TSPAN9: variants seen among roughly 807,000 people sequenced by gnomAD.
The protein encoded by TSPAN9 is tetraspanin-9.
In TSPAN9, 16 loss-of-function variants were observed where a neutral mutation model predicts 31.0. The ratio of observed to expected loss-of-function variants is 0.52; its 90% CI spans 0.35 to 0.78. The LOEUF is 0.78. Ranked by LOEUF, TSPAN9 falls within the 30% of genes least tolerant of loss-of-function variation. The pLI is 0.01. For missense variants in TSPAN9, 272 were observed against 312.5 expected (o/e 0.87, Z 0.98); for synonymous variants, 145 against 121.6 (o/e 1.19, Z -1.27).
chr12:3,246,184 C>T (rs578068073), intron 3 of TSPAN9, among the ~76,000 whole-genome samples: 4 of 151,234 alleles, frequency 2.6e-5, no homozygotes, highest in South Asian at 2.1e-4. Context: ...GGTGAGATTG[C>T]GGGGCGGGGG....
At chr12:3,246,017 T>A (rs1862118240) in intron 3 of TSPAN9, among the ~76,000 whole-genome samples, 1 of 151,906 alleles carries the variant, frequency 6.6e-6, no homozygotes, top group Admixed American at 6.5e-5. Flanking sequence ...ACTGGGTGAT[T>A]TATAAAGAAA....
intron 2 of TSPAN9, among the ~76,000 whole-genome samples, chr12:3,096,433 C>CTTTTTTTTTTTTT (rs1302577208): frequency 1.3e-5 from 2 of 152,120 alleles, no homozygotes; most frequent in South Asian, 2.1e-4. Flanking sequence ...TGCATTGTCT[C>CTTTTTTTTTTTTT]TTTATTCCTT....
At position 3,170,555 on chromosome 12, in the gene TSPAN9, G is replaced by A. The variant is rs1464753826; in HGVS notation, c.-17-30622G>A. Among the ~76,000 whole-genome samples, 1 of 151,612 alleles carries A rather than the reference G, an allele frequency of 6.6e-6. No homozygotes were observed. The highest frequency in any genetic ancestry group is 1.5e-5 in the Non-Finnish European group (1 of 67,934). Reference sequence around the variant, plus strand: ...ACAAAATCTGATCTGGTGGATGTGCGTGGCGTAGATAAGAGATCACTGAGT... The same window carrying A: ...ACAAAATCTGATCTGGTGGATGTGCATGGCGTAGATAAGAGATCACTGAGT... On this transcript the variant is annotated intron_variant, in intron 2 of 8. Coordinates refer to ENST00000011898, the MANE Select transcript of TSPAN9 (RefSeq NM_006675.5). This position sits in a 1 kb window ranked among gnomAD's most constrained non-coding sequence, Gnocchi z 4.4.
chr12:3,250,236 C>T (rs1262034737), intron 3 of TSPAN9, among the ~76,000 whole-genome samples: 1 of 152,206 alleles, frequency 6.6e-6, no homozygotes, highest in African/African-American at 2.4e-5. Flanking sequence ...AGCCCCTTGC[C>T]TTTACCCATT....
chr12:3,142,890 G>A (rs2098335544), intron 2 of TSPAN9, among the ~76,000 whole-genome samples: 1 of 152,096 alleles, frequency 6.6e-6, no homozygotes, highest in South Asian at 2.1e-4. Flanking sequence ...TCTGTACCAG[G>A]AGCCTCCATT....
chr12:3,165,425 C>T (rs2098347775), intron 2 of TSPAN9, among the ~76,000 whole-genome samples: 1 of 152,194 alleles, frequency 6.6e-6, no homozygotes, highest in Non-Finnish European at 1.5e-5. Flanking sequence ...TGGGCAGAAT[C>T]TGCTCTTTGG....
chr12:3,267,914 T>C (rs1470516748), intron 3 of TSPAN9, among the ~76,000 whole-genome samples: 1 of 152,162 alleles, frequency 6.6e-6, no homozygotes, highest in Non-Finnish European at 1.5e-5. Context: ...TCATGCAGTG[T>C]TACTGGGTGC....
intron 2 of TSPAN9, among the ~76,000 whole-genome samples, chr12:3,154,010 ATGTGTGTG>A (rs56928697): frequency 0.68 from 100,380 of 147,760 alleles, 34,740 homozygotes; most frequent in East Asian, 0.95. Context: ...TTATATATAT[ATGTGTGTG>A]TGTGTGTGTG....
Position 3,220,094 on chromosome 12 carries a change from G to C in TSPAN9, c.63+18838G>C, listed in dbSNP as rs552738780. Among the ~76,000 whole-genome samples, 8 of 149,936 alleles carry C rather than the reference G, an allele frequency of 5.3e-5. No homozygotes were observed. In the South Asian group the frequency reaches 1.7e-3, roughly 31 times the overall value. On this transcript the variant is annotated intron_variant, in intron 3 of 8. Coordinates refer to ENST00000011898, the MANE Select transcript of TSPAN9 (RefSeq NM_006675.5). ...CGGGAGGCGGAAGTTGCAGTGAGCC[G>C]AGATCACGCCATTGCACTCCAGCCT... is the stretch of plus-strand genomic sequence containing the variant.
At chr12:3,098,889 A>G (rs1461013039) in intron 2 of TSPAN9, among the ~76,000 whole-genome samples, 1 of 151,460 alleles carries the variant, frequency 6.6e-6, no homozygotes, top group Admixed American at 6.6e-5. Context: ...TAGCCATGTG[A>G]CTATGGGTGT....
At chr12:3,122,648 TAAC>T (rs2153966360) in intron 2 of TSPAN9, among the ~76,000 whole-genome samples, 1 of 152,196 alleles carries the variant, frequency 6.6e-6, no homozygotes, top group African/African-American at 2.4e-5. Context: ...GAACCCCTCT[TAAC>T]AGAGAGGTTT....
intron 2 of TSPAN9, among the ~76,000 whole-genome samples, chr12:3,096,253 G>T (rs1157496651): frequency 6.6e-6 from 1 of 152,218 alleles, no homozygotes; most frequent in Non-Finnish European, 1.5e-5. Context: ...ACTGGTCTGT[G>T]CACCCTGGTG....
At chr12:3,142,657 T>A (rs1192248096) in intron 2 of TSPAN9, among the ~76,000 whole-genome samples, 1 of 152,128 alleles carries the variant, frequency 6.6e-6, no homozygotes, top group Non-Finnish European at 1.5e-5. Context: ...GCCATGCTCT[T>A]ACTCCTGGTG....
At chr12:3,091,605 C>T (rs1319756481) in intron 2 of TSPAN9, among the ~76,000 whole-genome samples, 2 of 152,322 alleles carry the variant, frequency 1.3e-5, no homozygotes, top group African/African-American at 2.4e-5. Context: ...TGCACTTTCT[C>T]GTGCAGCAGT....
intron 3 of TSPAN9, among the ~76,000 whole-genome samples, chr12:3,274,530 G>C (rs557670): frequency 0.98 from 148,582 of 152,354 alleles, 72,548 homozygotes; most frequent in Middle Eastern, 1. Context: ...AAGGCCCAGT[G>C]TTGGTGCCTG....
chr12:3,109,522 G>C (rs1304883322), intron 2 of TSPAN9, among the ~76,000 whole-genome samples: 1 of 151,864 alleles, frequency 6.6e-6, no homozygotes. Context: ...TTAGTGCCAG[G>C]CATGGTGGCT....
rs1247936694 is a variant in TSPAN9 at position 3,147,798 on chromosome 12, T to C, written c.-17-53379T>C. On this transcript the variant is annotated intron_variant, in intron 2 of 8. Transcript: ENST00000011898. This position sits in a 1 kb window ranked among gnomAD's most constrained non-coding sequence, Gnocchi z 4.3. The stretch of plus-strand genomic sequence containing the variant: ...CTAGACCAGTAGTTTTCACCTGCAG[T>C]GTTGGCTCACACTGGTGGGTGCCCT... Among the ~76,000 whole-genome samples the C allele has an allele frequency of 6.6e-6, 1 of 152,142 alleles. No individual in the cohort carries two copies. Among genetic ancestry groups the C allele is most frequent in the Non-Finnish European group, 1.5e-5 (1 of 68,010 alleles).
chr12:3,171,184 C>T (rs2098351628), intron 2 of TSPAN9, among the ~76,000 whole-genome samples: 3 of 152,058 alleles, frequency 2.0e-5, no homozygotes, highest in Admixed American at 1.3e-4. Flanking sequence ...GTCCTATCTT[C>T]CTTATCCCTC....
chr12:3,133,561 C>G (rs188847415), intron 2 of TSPAN9, among the ~76,000 whole-genome samples: 1 of 152,262 alleles, frequency 6.6e-6, no homozygotes, highest in East Asian at 1.9e-4. Context: ...CATCTTCCCC[C>G]CACCCTCATC....
Sources: gnomAD v4.1 joint callset for allele counts (sites outside exome capture counted in the v4.1 genomes callset) on GRCh38, gnomAD v4.1.1 for gene constraint, Gnocchi (gnomAD v3.1) non-coding constraint, MANE v1.5 for transcripts, NCBI Gene and HGNC (gene_info 2026-07-23, HGNC 2026-07-21) for gene names.